SNX10: variants seen among roughly 807,000 people sequenced by gnomAD.
SNX10 encodes the protein sorting nexin-10.
A neutral mutation model predicts 28.5 loss-of-function variants in SNX10; 25 were observed. The observed-to-expected ratio is 0.88, with a 90% confidence interval of 0.64 to 1.22. The LOEUF (loss-of-function observed/expected upper bound fraction) is 1.22. Ranked by LOEUF, SNX10 falls within the 50% of genes most tolerant of loss-of-function variation. The pLI is 0.00. For missense variants in SNX10, 223 were observed against 242.6 expected (o/e 0.92, Z 0.54); for synonymous variants, 62 against 81.4 (o/e 0.76, Z 1.28).
chr7:26,336,091 A>G (rs866755880), intron 1 of SNX10, among the ~76,000 whole-genome samples: 1 of 152,222 alleles, frequency 6.6e-6, no homozygotes, highest in Non-Finnish European at 1.5e-5. Context: ...AAATAGAAAA[A>G]TAGCTGAACA....
intron 1 of SNX10, among the ~76,000 whole-genome samples, chr7:26,306,071 ATT>A (rs35809560): frequency 7.0e-6 from 1 of 142,192 alleles, no homozygotes. Context: ...AATTTTTTGT[ATT>A]TTTTTTTTTT....
chr7:26,361,265 T>G (rs941095392), intron 3 of SNX10, among the ~76,000 whole-genome samples: 3 of 152,256 alleles, frequency 2.0e-5, no homozygotes, highest in Admixed American at 6.5e-5. Context: ...ATTGTTCCTT[T>G]GTTAATATTA....
At chr7:26,368,781 G>T (rs1184437813) in intron 5 of SNX10, among the ~76,000 whole-genome samples, 1 of 152,084 alleles carries the variant, frequency 6.6e-6, no homozygotes, top group Non-Finnish European at 1.5e-5. Flanking sequence ...ATGAAGATTT[G>T]TAGGTTTTAT....
intron 1 of SNX10, chr7:26,292,945 T>C (rs1785982213): frequency 1.3e-5 from 2 of 152,300 alleles, no homozygotes; most frequent in African/African-American, 4.8e-5. Flanking sequence ...TATGTCCACC[T>C]CTGGGGCCTG....
At chr7:26,304,332 C>A (rs1786495016) in intron 1 of SNX10, among the ~76,000 whole-genome samples, 1 of 152,226 alleles carries the variant, frequency 6.6e-6, no homozygotes, top group African/African-American at 2.4e-5. Context: ...CAATTCAGTA[C>A]CCCCTTGCCC....
At chr7:26,334,078 C>G (rs1787838124) in intron 1 of SNX10, among the ~76,000 whole-genome samples, 2 of 152,324 alleles carry the variant, frequency 1.3e-5, no homozygotes. Context: ...AAACAAATCA[C>G]TAATTAAAAG....
At chr7:26,302,206 C>G (rs1392798870) in intron 1 of SNX10, among the ~76,000 whole-genome samples, 1 of 151,982 alleles carries the variant, frequency 6.6e-6, no homozygotes, top group African/African-American at 2.4e-5. Flanking sequence ...TTTATGCTTC[C>G]TTGATTCTGC....
intron 1 of SNX10, among the ~76,000 whole-genome samples, chr7:26,310,705 A>G (rs539542147): frequency 3.3e-5 from 5 of 149,284 alleles, no homozygotes; most frequent in African/African-American, 4.9e-5. Flanking sequence ...TTTTTGAGAC[A>G]GAGTCTCGCT....
At position 26,373,916 on chromosome 7, in the gene SNX10, A is replaced by G. The variant is rs1291928059; in HGVS notation, c.*1344A>G. 6.6e-6 allele frequency: 1 copy of G among 152,058 alleles called. No individual in the cohort carries two copies. Among genetic ancestry groups the G allele is most frequent in the Non-Finnish European group, 1.5e-5 (1 of 67,900 alleles). The allele number at this position is 152,058 out of a possible 1,614,324, so 9.4% of individuals were successfully genotyped here. A position where few individuals can be genotyped will look rare whatever the true frequency, so the allele number is the denominator to read the frequency against. ...AGAAAAAAAAGCTAAGAAAACTGAG[A>G]ACTAACATTAAAAAAATTAAATTTA... On this transcript the variant is annotated 3_prime_UTR_variant, in exon 7 of 7. Coordinates refer to ENST00000338523, the MANE Select transcript of SNX10 (RefSeq NM_013322.3). The surrounding 1 kb of genome is among the most constrained non-coding windows in gnomAD (Gnocchi z 4.2).
At chr7:26,304,726 G>A (rs1786516332) in intron 1 of SNX10, among the ~76,000 whole-genome samples, 2 of 152,198 alleles carry the variant, frequency 1.3e-5, no homozygotes, top group South Asian at 4.1e-4. Flanking sequence ...ATGGGGATGG[G>A]TACTCCCTAA....
At chr7:26,324,403 A>G (rs1787423786) in intron 1 of SNX10, among the ~76,000 whole-genome samples, 1 of 152,198 alleles carries the variant, frequency 6.6e-6, no homozygotes, top group South Asian at 2.1e-4. Context: ...AGTGTCACCC[A>G]GGCTAGAATG....
At chr7:26,311,431 C>A (rs1584101807) in intron 1 of SNX10, among the ~76,000 whole-genome samples, 1 of 152,188 alleles carries the variant, frequency 6.6e-6, no homozygotes, top group Non-Finnish European at 1.5e-5. Context: ...TGCACCTGGC[C>A]AGTGGCTTAA....
Position 26,374,015 on chromosome 7 carries a change from TG to T in SNX10, c.*1444del, listed in dbSNP as rs894935211. 63 of 152,204 alleles carry T rather than the reference TG, an allele frequency of 4.1e-4. No individual in the cohort carries two copies. The highest frequency in any genetic ancestry group is 1.4e-3 in the African/African-American group (60 of 41,574). 9.4% of individuals were successfully genotyped at this position (152,204 alleles called of 1,614,324 possible). On this transcript the variant is annotated 3_prime_UTR_variant, in exon 7 of 7. Coordinates refer to ENST00000338523, the MANE Select transcript of SNX10 (RefSeq NM_013322.3). ...CATTATTAAATTTTTGTAAATATTTTGATTTAATGTGTCTTAGATCCTCATT... is the reference window on the plus strand; with the variant it reads ...CATTATTAAATTTTTGTAAATATTTTATTTAATGTGTCTTAGATCCTCATT...
chr7:26,346,296 C>T, intron 1 of SNX10, 124 bp from the exon 2 acceptor site: 1 of 713,162 alleles, frequency 1.4e-6, no homozygotes, highest in South Asian at 1.6e-5. Flanking sequence ...AGCAGAGGCT[C>T]ACATGTCAGG....
At chr7:26,356,664 A>G (rs1363956069) in intron 2 of SNX10, among the ~76,000 whole-genome samples, 1 of 152,172 alleles carries the variant, frequency 6.6e-6, no homozygotes, top group East Asian at 1.9e-4. Context: ...TTTAACTCCC[A>G]CTAGGCCAAC....
intron 1 of SNX10, among the ~76,000 whole-genome samples, chr7:26,292,840 C>G (rs924451987): frequency 6.6e-6 from 1 of 152,180 alleles, no homozygotes; most frequent in African/African-American, 2.4e-5. Context: ...AGGCTAAGGC[C>G]GAGGGACGCT....
At chr7:26,365,403 G>GCA (rs1456142213) in intron 5 of SNX10, among the ~76,000 whole-genome samples, 1 of 152,204 alleles carries the variant, frequency 6.6e-6, no homozygotes, top group East Asian at 1.9e-4. Context: ...AAGCTGTCAA[G>GCA]CAGATCTAAA....
At chr7:26,358,806 T>TTTTTTTTTTGTTTTGTTTTTG (rs1554360961) in intron 2 of SNX10, among the ~76,000 whole-genome samples, 5 of 52,622 alleles carry the variant, frequency 9.5e-5, no homozygotes, top group East Asian at 4.9e-4. Context: ...TTATCTTGTG[T>TTTTTTTTTTGTTTTGTTTTTG]TTTTTTTTTT....
intron 1 of SNX10, among the ~76,000 whole-genome samples, chr7:26,324,269 G>GA (rs35423361): frequency 0.32 from 48,960 of 151,954 alleles, 10,039 homozygotes; most frequent in Non-Finnish European, 0.46. Context: ...ATGTGTGTGA[G>GA]AAAAAAACCG....
Sources: gnomAD v4.1 joint callset for allele counts (sites outside exome capture counted in the v4.1 genomes callset) on GRCh38, gnomAD v4.1.1 for gene constraint, Gnocchi (gnomAD v3.1) non-coding constraint, MANE v1.5 for transcripts, NCBI Gene and HGNC (gene_info 2026-07-23, HGNC 2026-07-21) for gene names.